The following PIWIL1 variants were observed in gnomAD, a reference collection of about 807,000 sequenced individuals.
The protein encoded by PIWIL1 is piwi like RNA-mediated gene silencing 1.
A neutral mutation model predicts 114.4 loss-of-function variants in PIWIL1; 73 were observed. The ratio of observed to expected loss-of-function variants is 0.64; its 90% CI spans 0.53 to 0.78. The LOEUF (loss-of-function observed/expected upper bound fraction) is 0.78, where lower values mean the gene tolerates loss of function less well. PIWIL1 is among the 30% of genes least tolerant of loss of function. The pLI is 0.00. For synonymous variants in PIWIL1, 375 were observed against 369.0 expected (o/e 1.02, Z -0.19); for missense variants, 723 against 1,063.1 (o/e 0.68, Z 4.45).
chr12:130,378,144 G>T, the PIWIL1 span, among the ~76,000 whole-genome samples: 1 of 152,148 alleles, frequency 6.6e-6, no homozygotes, highest in African/African-American at 2.4e-5. Flanking sequence ...CTCCCACAAA[G>T]GTTCCATCTT....
chr12:130,361,420 G>T (rs1478423122), intron 15 of PIWIL1, 40 bp downstream of exon 15: 1 of 1,610,508 alleles, frequency 6.2e-7, no homozygotes, highest in Non-Finnish European at 8.5e-7. Context: ...TTTAAAATTG[G>T]TATTTAAGAA....
At chr12:130,424,664 G>A in the PIWIL1 span, 454 of 1,231,932 alleles carry the variant, frequency 3.7e-4, 2 homozygotes, top group African/African-American at 3.4e-3. This position sits in a 1 kb window ranked among gnomAD's most constrained non-coding sequence, Gnocchi z 9.8. Flanking sequence ...AGGGCCTGCC[G>A]GGCCTGGGCT....
At chr12:130,376,043 G>A (rs748954575), downstream of PIWIL1, among the ~76,000 whole-genome samples, 1 of 151,628 alleles carries the variant, frequency 6.6e-6, no homozygotes, top group East Asian at 1.9e-4. Context: ...CTCTTCCTCT[G>A]TTGGTGATTT....
chr12:130,364,323 T>C (rs895257248), intron 18 of PIWIL1, among the ~76,000 whole-genome samples: 1 of 152,194 alleles, frequency 6.6e-6, no homozygotes, highest in Non-Finnish European at 1.5e-5. Context: ...TGAAAGCCAC[T>C]GGCCACATCT....
At chr12:130,349,495 C>G in intron 8 of PIWIL1, 59 bp downstream of exon 8, 2 of 1,109,838 alleles carry the variant, frequency 1.8e-6, no homozygotes, top group Non-Finnish European at 2.7e-6. Flanking sequence ...TTGTGGCTTT[C>G]TAGTTCTACC....
intron 18 of PIWIL1, among the ~76,000 whole-genome samples, chr12:130,365,090 G>A (rs1186060834): frequency 6.6e-6 from 1 of 152,210 alleles, no homozygotes; most frequent in Non-Finnish European, 1.5e-5. Flanking sequence ...TCCTGAGTGT[G>A]CAGAGTGGAC....
Position 130,362,765 on chromosome 12 carries a change from G to T in PIWIL1, c.1971-1G>T. On this transcript the variant is annotated splice_acceptor_variant, in intron 16 of 20. Coordinates refer to ENST00000245255, the MANE Select transcript of PIWIL1 (RefSeq NM_004764.5). LOFTEE classifies it high-confidence loss of function. ...TTCTAGCTGTGTTTTTCTCTGAATA[G>T]CTGGTTCTCACGCTGCATATTTCAG... 1 of 1,613,758 alleles carries T rather than the reference G, an allele frequency of 6.2e-7. No individual in the cohort carries two copies.
At chr12:130,352,834 C>T (rs1158516634) in intron 9 of PIWIL1, among the ~76,000 whole-genome samples, 1 of 152,200 alleles carries the variant, frequency 6.6e-6, no homozygotes, top group African/African-American at 2.4e-5. Flanking sequence ...GACCACACTT[C>T]TACCACCTGT....
the PIWIL1 span, among the ~76,000 whole-genome samples, chr12:130,389,923 A>G: frequency 3.9e-5 from 6 of 152,336 alleles, no homozygotes; most frequent in African/African-American, 1.4e-4. Flanking sequence ...TATAGCTGAT[A>G]CACGGGTTCT....
intron 3 of PIWIL1, 77 bp from the exon 4 acceptor site, chr12:130,345,673 CATA>C: frequency 6.9e-7 from 1 of 1,457,790 alleles, no homozygotes; most frequent in African/African-American, 1.4e-5. Context: ...TTGGATTACA[CATA>C]ATAGCACTAT....
At chr12:130,353,817 G>T (rs1373952306) in intron 9 of PIWIL1, among the ~76,000 whole-genome samples, 2 of 149,512 alleles carry the variant, frequency 1.3e-5, no homozygotes, top group African/African-American at 2.4e-5. Flanking sequence ...TCCCAGCTAC[G>T]CAGGAGGCTG....
intron 6 of PIWIL1, among the ~76,000 whole-genome samples, chr12:130,347,551 G>A (rs919714995): frequency 2.6e-5 from 4 of 152,324 alleles, no homozygotes; most frequent in Middle Eastern, 3.4e-3. Flanking sequence ...AAATTTTCGT[G>A]AGAATAGTAG....
intron 18 of PIWIL1, 125 bp downstream of exon 18, chr12:130,363,269 G>C (rs1593116313): frequency 2.1e-6 from 2 of 958,836 alleles, no homozygotes; most frequent in Non-Finnish European, 3.2e-6. Flanking sequence ...GGGCCTTTGA[G>C]GTGATGGGAA....
Position 130,343,058 on chromosome 12 carries a change from T to C in PIWIL1, c.147T>C (p.Arg49=). Residue 49 remains arginine, a synonymous_variant, in exon 3 of 21, where the codon CGT becomes CGC. Coordinates refer to ENST00000245255, the MANE Select transcript of PIWIL1 (RefSeq NM_004764.5). ...PPPAEGELFG[R]GRQRGTAGGT... is the part of the protein sequence containing the mutation. ...CAGCAGAGGGGGAATTATTTGGCCG[T>C]GGACGGCAGAGAGGAACAGCAGGAG... is the stretch of plus-strand genomic sequence containing the variant. The C allele has an allele frequency of 6.2e-7, 1 of 1,613,998 alleles. No individual in the cohort carries two copies. The highest frequency in any genetic ancestry group is 8.5e-7 in the Non-Finnish European group (1 of 1,179,930).
Position 130,354,524 on chromosome 12 carries a change from G to T in PIWIL1, c.1045-13G>T. ...ATTTGCCGTGAACAGCGACCCTTTC[G>T]TCTCTTGAGCAGCAATACAACCAAG... On this transcript the variant is annotated splice_polypyrimidine_tract_variant and intron_variant, in intron 9 of 20. Coordinates refer to ENST00000245255, the MANE Select transcript of PIWIL1 (RefSeq NM_004764.5). 1 of 1,613,898 alleles carries T rather than the reference G, an allele frequency of 6.2e-7. No homozygotes were observed. The highest frequency in any genetic ancestry group is 8.5e-7 in the Non-Finnish European group (1 of 1,179,948).
intron 16 of PIWIL1, 44 bp downstream of exon 16, chr12:130,361,645 G>T (rs374997938): frequency 1.3e-5 from 19 of 1,492,894 alleles, no homozygotes; most frequent in Non-Finnish European, 1.8e-5. Context: ...AGGACATAAA[G>T]CAGGGTTCTG....
At chr12:130,423,279 G>C in the PIWIL1 span, among the ~76,000 whole-genome samples, 1 of 152,198 alleles carries the variant, frequency 6.6e-6, no homozygotes, top group Non-Finnish European at 1.5e-5. Context: ...GGGATGAGGC[G>C]TGTCTGCTGC....
At chr12:130,404,653 T>C in the PIWIL1 span, among the ~76,000 whole-genome samples, 6 of 152,202 alleles carry the variant, frequency 3.9e-5, no homozygotes, top group Non-Finnish European at 4.4e-5. Context: ...CTATGAATCT[T>C]TTCTGACAGA....
chr12:130,416,526 G>T, the PIWIL1 span, among the ~76,000 whole-genome samples: 1 of 152,236 alleles, frequency 6.6e-6, no homozygotes, highest in South Asian at 2.1e-4. Context: ...GTCACATGCA[G>T]AAGATTGAAA....
Sources: allele counts gnomAD v4.1 joint callset (sites outside exome capture counted in the v4.1 genomes callset), GRCh38; gene constraint gnomAD v4.1.1; non-coding constraint Gnocchi (gnomAD v3.1); transcripts MANE v1.5; gene names NCBI Gene and HGNC (gene_info 2026-07-23, HGNC 2026-07-21).